Variants in PCLO observed in about 807,000 individuals in gnomAD.
The protein encoded by PCLO is protein piccolo.
A neutral mutation model predicts 427.5 loss-of-function variants in PCLO; 82 were observed. That is an observed-to-expected ratio of 0.19 (90% CI 0.16 to 0.23). The LOEUF is 0.23. Among genes scored for constraint, PCLO ranks in the 10% least tolerant of loss-of-function variants. The pLI is 1.00. For missense variants in PCLO, 6,239 were observed against 6,115.9 expected (o/e 1.02, Z -0.67); for synonymous variants, 2,357 against 2,155.4 (o/e 1.09, Z -2.59).
rs758459884 is a variant in PCLO at position 82,846,611 on chromosome 7, G to C, written c.13787C>G (p.Ser4596Cys). 13 of 1,606,940 alleles carry C rather than the reference G, an allele frequency of 8.1e-6. No homozygotes were observed. In the Admixed American group the frequency reaches 2.2e-4, roughly 27 times the overall value. The stretch of plus-strand genomic sequence containing the variant: ...AAGTTCCAGATGCTGGGAATTTTCA[G>C]AATCTGATAGCATATTGAGGTCCCT... ...VRLDLNMLSD[S>C]ENSQHLELHE... is the part of the protein sequence containing the mutation. The change falls in exon 12 of 25, where the codon TCT becomes TGT. Residue 4596 changes from serine to cysteine, a missense_variant. Physicochemically the swap from Ser to Cys is moderately radical, Grantham distance 112 (BLOSUM62 -1). This residue lies in a region of PCLO where 877 missense variants were observed against 925.5 expected (regional missense o/e 0.95). Transcript: ENST00000333891.
At chr7:82,816,362 G>A (rs1015330595) in intron 20 of PCLO, among the ~76,000 whole-genome samples, 1 of 151,978 alleles carries the variant, frequency 6.6e-6, no homozygotes, top group Non-Finnish European at 1.5e-5. Flanking sequence ...TCCTATCCAA[G>A]TGAGAAAGTT....
At chr7:82,821,898 C>T (rs1003931308) in intron 20 of PCLO, 1 of 985,304 alleles carries the variant, frequency 1.0e-6, no homozygotes. Context: ...CAGAAGACTA[C>T]AATTTTTTGC....
chr7:82,802,295 A>C (rs1394065080), intron 21 of PCLO, among the ~76,000 whole-genome samples: 1 of 152,082 alleles, frequency 6.6e-6, no homozygotes, highest in Non-Finnish European at 1.5e-5. Context: ...GAAAAGGGTT[A>C]ACAGAGTGCC....
intron 5 of PCLO, 126 bp from the exon 6 acceptor site, chr7:82,951,616 T>C (rs943344983): frequency 4.7e-6 from 4 of 843,406 alleles, no homozygotes; most frequent in African/African-American, 3.4e-5. Context: ...GTAACCTAAT[T>C]ATATGCGGAA....
chr7:82,942,748 TA>T (rs1400513787), intron 6 of PCLO, among the ~76,000 whole-genome samples: 1 of 152,106 alleles, frequency 6.6e-6, no homozygotes, highest in Non-Finnish European at 1.5e-5. Flanking sequence ...AGTTGGATGT[TA>T]AAATGCAATA....
At chr7:83,087,919 T>G (rs949123425) in intron 3 of PCLO, among the ~76,000 whole-genome samples, 1 of 152,226 alleles carries the variant, frequency 6.6e-6, no homozygotes, top group Non-Finnish European at 1.5e-5. Flanking sequence ...GGACATTTTG[T>G]GTTTAACTGC....
At chr7:83,001,626 T>C (rs766257694) in intron 3 of PCLO, among the ~76,000 whole-genome samples, 63 of 152,012 alleles carry the variant, frequency 4.1e-4, no homozygotes, top group Non-Finnish European at 7.5e-4. Context: ...GTATTTCCCA[T>C]GACCCTGTAG....
intron 22 of PCLO, among the ~76,000 whole-genome samples, chr7:82,774,192 T>C (rs1790702098): frequency 6.6e-6 from 1 of 152,174 alleles, no homozygotes. Context: ...CTCTTGAACA[T>C]GTCAGCTGAT....
At chr7:82,928,740 C>G (rs755903905) in intron 6 of PCLO, among the ~76,000 whole-genome samples, 1 of 152,046 alleles carries the variant, frequency 6.6e-6, no homozygotes, top group East Asian at 1.9e-4. Context: ...CTGGAGCTAT[C>G]GAGAAGCTAT....
chr7:83,129,705 A>C (rs1032604968), intron 3 of PCLO, among the ~76,000 whole-genome samples: 5 of 152,204 alleles, frequency 3.3e-5, no homozygotes, highest in Non-Finnish European at 7.3e-5. Flanking sequence ...AAAAATGTGT[A>C]TAACAAAAAC....
intron 9 of PCLO, among the ~76,000 whole-genome samples, chr7:82,885,715 T>C (rs1004285922): frequency 2.0e-5 from 3 of 151,996 alleles, no homozygotes; most frequent in African/African-American, 7.3e-5. Context: ...AATATATGCA[T>C]ATTGTATTCT....
intron 9 of PCLO, among the ~76,000 whole-genome samples, chr7:82,901,360 C>T (rs948745388): frequency 7.2e-5 from 11 of 151,944 alleles, no homozygotes; most frequent in African/African-American, 2.7e-4. Context: ...AGAATAAAAA[C>T]TGGCTAGCCA....
intron 3 of PCLO, among the ~76,000 whole-genome samples, chr7:83,075,489 A>G (rs1158287643): frequency 6.6e-6 from 1 of 152,308 alleles, no homozygotes; most frequent in Admixed American, 6.5e-5. Context: ...AAATGACTGC[A>G]GTAAAGATAG....
At chr7:83,004,238 T>C (rs1403538331) in intron 3 of PCLO, among the ~76,000 whole-genome samples, 1 of 151,788 alleles carries the variant, frequency 6.6e-6, no homozygotes, top group Admixed American at 6.6e-5. Context: ...ATAGGTATCA[T>C]ACTTCTTGAT....
intron 22 of PCLO, among the ~76,000 whole-genome samples, chr7:82,778,309 T>C (rs1033242155): frequency 6.6e-6 from 1 of 152,172 alleles, no homozygotes; most frequent in African/African-American, 2.4e-5. Flanking sequence ...ACTTGTATGC[T>C]GTTAGTGGGA....
At chr7:82,785,101 T>A (rs193090342) in intron 22 of PCLO, among the ~76,000 whole-genome samples, 1 of 152,316 alleles carries the variant, frequency 6.6e-6, no homozygotes, top group East Asian at 1.9e-4. Flanking sequence ...AATTATTCTT[T>A]ATTATTCCAG....
At chr7:83,131,141 A>G (rs1036464356) in intron 3 of PCLO, among the ~76,000 whole-genome samples, 5 of 152,190 alleles carry the variant, frequency 3.3e-5, no homozygotes, top group Non-Finnish European at 7.4e-5. Context: ...CTCAACTGCC[A>G]TTTTTAAAAC....
At chr7:83,017,192 AG>A (rs1182481617) in intron 3 of PCLO, among the ~76,000 whole-genome samples, 4 of 152,162 alleles carry the variant, frequency 2.6e-5, no homozygotes, top group African/African-American at 9.7e-5. Flanking sequence ...AGCAGTAGGA[AG>A]ATCTGGAAAT....
At chr7:83,071,265 AAT>A (rs1270153570) in intron 3 of PCLO, among the ~76,000 whole-genome samples, 10 of 152,108 alleles carry the variant, frequency 6.6e-5, no homozygotes, top group Non-Finnish European at 1.3e-4. Flanking sequence ...TGCCTCTATG[AAT>A]ATGTGTTTTC....
Sources: allele counts gnomAD v4.1 joint callset (sites outside exome capture counted in the v4.1 genomes callset), GRCh38; gene constraint gnomAD v4.1.1; regional missense constraint gnomAD v4.1.1; transcripts MANE v1.5; gene names NCBI Gene and HGNC (gene_info 2026-07-23, HGNC 2026-07-21).